Variants in PCCA observed in about 807,000 individuals in gnomAD.
The protein encoded by PCCA is propionyl-CoA carboxylase alpha chain, mitochondrial.
In PCCA, 74 loss-of-function variants were observed where a neutral mutation model predicts 101.3. The ratio of observed to expected loss-of-function variants is 0.73; its 90% CI spans 0.61 to 0.89. PCCA has a LOEUF of 0.89. Ranked by LOEUF, PCCA falls within the 40% of genes least tolerant of loss-of-function variation. The pLI, the probability that PCCA is intolerant of heterozygous loss-of-function variation, is 0.00. For missense variants in PCCA, 891 were observed against 907.0 expected, an observed-to-expected ratio of 0.98 and a Z score of 0.23; for synonymous variants, 294 against 313.6, an observed-to-expected ratio of 0.94 and a Z score of 0.66.
At position 100,320,158 on chromosome 13, in the gene PCCA, A is replaced by G. The variant is rs374159594; in HGVS notation, c.1429+10250A>G. 1.0e-3 allele frequency among the ~76,000 whole-genome samples: 152 copies of G among 152,220 alleles called. 5 individuals carry two copies. In the South Asian group the frequency reaches 0.028, roughly 29 times the overall value. On this transcript the variant is annotated intron_variant, in intron 16 of 23. Transcript: ENST00000376285. ...TTATTGGTGTATAAGAATGCTTGTGATTTTTGCACATTGATTTTGTATCCT... is the reference window on the plus strand; with the variant it reads ...TTATTGGTGTATAAGAATGCTTGTGGTTTTTGCACATTGATTTTGTATCCT...
intron 21 of PCCA, among the ~76,000 whole-genome samples, chr13:100,482,592 TTTTG>T (rs201356022): frequency 0.047 from 7,131 of 152,184 alleles, 563 homozygotes; most frequent in African/African-American, 0.16. Context: ...TGTTTTGGTT[TTTTG>T]TTTGTTTGTT....
intron 4 of PCCA, among the ~76,000 whole-genome samples, chr13:100,125,008 A>G (rs1183512513): frequency 6.6e-6 from 1 of 152,168 alleles, no homozygotes; most frequent in Non-Finnish European, 1.5e-5. Flanking sequence ...TAATTTCACA[A>G]AAATTGTTAA....
chr13:100,394,067 G>T lies in PCCA; in HGVS notation c.1746+25493G>T, dbSNP rs1162915989. ...TGTTGTAGAGCCTCTGTATGCGTCA[G>T]CTGTGACTGAGTGTTTTGATGTCTT... is the stretch of plus-strand genomic sequence containing the variant. On this transcript the variant is annotated intron_variant, in intron 19 of 23. Transcript: ENST00000376285. The surrounding 1 kb of genome is among the most constrained non-coding windows in gnomAD (Gnocchi z 4.3). 6.6e-6 allele frequency among the ~76,000 whole-genome samples: 1 copy of T among 152,232 alleles called. No individual in the cohort carries two copies. Among genetic ancestry groups the T allele is most frequent in the East Asian group, 1.9e-4 (1 of 5,200 alleles).
At chr13:100,386,074 A>G (rs2076484071) in intron 19 of PCCA, among the ~76,000 whole-genome samples, 1 of 152,218 alleles carries the variant, frequency 6.6e-6, no homozygotes, top group African/African-American at 2.4e-5. Flanking sequence ...TATTTCTTAG[A>G]GCAGAAGACT....
intron 19 of PCCA, among the ~76,000 whole-genome samples, chr13:100,408,957 A>T (rs1410194187): frequency 6.6e-6 from 1 of 152,184 alleles, no homozygotes; most frequent in Admixed American, 6.5e-5. Flanking sequence ...CCGAGGAGAG[A>T]AGCTTAAGCT....
chr13:100,238,595 T>G (rs2060945842), intron 8 of PCCA, among the ~76,000 whole-genome samples: 1 of 152,126 alleles, frequency 6.6e-6, no homozygotes. Context: ...AAATTTGAGG[T>G]AAAATAAACC....
intron 19 of PCCA, among the ~76,000 whole-genome samples, chr13:100,422,117 T>TCTTTCTTC (rs2078851717): frequency 1.5e-5 from 2 of 136,144 alleles, no homozygotes; most frequent in South Asian, 4.5e-4. Context: ...TTTCTTTCTT[T>TCTTTCTTC]CTTTTCTTTC....
chr13:100,371,795 A>G (rs2075589437), intron 19 of PCCA, among the ~76,000 whole-genome samples: 1 of 152,230 alleles, frequency 6.6e-6, no homozygotes, highest in Non-Finnish European at 1.5e-5. Context: ...AAAACTTATT[A>G]CAAAACCACA....
At chr13:100,496,355 A>T (rs1328534628) in intron 21 of PCCA, among the ~76,000 whole-genome samples, 1 of 152,186 alleles carries the variant, frequency 6.6e-6, no homozygotes, top group African/African-American at 2.4e-5. Context: ...CTGAATCTCG[A>T]ATCGTTCCTC....
At chr13:100,100,716 TGTC>T (rs2047194524) in intron 1 of PCCA, among the ~76,000 whole-genome samples, 1 of 152,130 alleles carries the variant, frequency 6.6e-6, no homozygotes, top group Admixed American at 6.5e-5. Flanking sequence ...AGTTCAGACT[TGTC>T]GTGGGAATGG....
Position 100,530,307 on chromosome 13 carries a change from C to G in PCCA, c.*141C>G. The G allele has an allele frequency of 1.4e-6, 1 of 725,216 alleles. No homozygotes were observed. The highest frequency in any genetic ancestry group is 1.5e-5 in the South Asian group (1 of 65,298). The allele number at this position is 725,216 out of a possible 1,614,324, so 44.9% of individuals were successfully genotyped here. A position where few individuals can be genotyped will look rare whatever the true frequency, so the allele number is the denominator to read the frequency against. On this transcript the variant is annotated 3_prime_UTR_variant, in exon 24 of 24. Transcript: ENST00000376285. ...GTCATTTATTCCACAGAGTCAAGAC[C>G]AATATTCTGCCAAAAAATCACCAAT...
chr13:100,422,122 T>TTC, intron 19 of PCCA, among the ~76,000 whole-genome samples: 1 of 121,250 alleles, frequency 8.2e-6, no homozygotes, highest in East Asian at 2.2e-4. Flanking sequence ...TTCTTTCTTT[T>TTC]CTTTCTTTCT....
At chr13:100,328,518 A>G (rs1466977462) in intron 16 of PCCA, among the ~76,000 whole-genome samples, 2 of 151,016 alleles carry the variant, frequency 1.3e-5, no homozygotes, top group African/African-American at 2.4e-5. Flanking sequence ...GATGAAGTAC[A>G]GTTTGTCAAT....
intron 12 of PCCA, chr13:100,293,270 T>G (rs1415215812): frequency 2.1e-6 from 1 of 471,466 alleles, no homozygotes; most frequent in Admixed American, 2.3e-5. Flanking sequence ...GTACAATTGT[T>G]GAAATTCTGT....
intron 1 of PCCA, among the ~76,000 whole-genome samples, chr13:100,098,270 A>G (rs914804922): frequency 6.6e-6 from 1 of 152,212 alleles, no homozygotes. Context: ...TCAAATATTC[A>G]AAGTATTATT....
chr13:100,277,077 A>G (rs1304167128), intron 12 of PCCA, among the ~76,000 whole-genome samples: 1 of 152,156 alleles, frequency 6.6e-6, no homozygotes, highest in African/African-American at 2.4e-5. Flanking sequence ...ATTTGTGACT[A>G]CGGCAATCTA....
At chr13:100,153,571 A>G (rs150643944) in intron 4 of PCCA, among the ~76,000 whole-genome samples, 49 of 152,356 alleles carry the variant, frequency 3.2e-4, no homozygotes, top group African/African-American at 1.1e-3. Context: ...TACAACAACA[A>G]AATTGACAGT....
intron 21 of PCCA, among the ~76,000 whole-genome samples, chr13:100,449,589 C>T (rs540574327): frequency 2.6e-5 from 4 of 152,136 alleles, no homozygotes; most frequent in Non-Finnish European, 5.9e-5. Context: ...CGGGTTCAAG[C>T]GATTCTCGTG....
chr13:100,286,060 ATG>A (rs1177006585), intron 12 of PCCA, among the ~76,000 whole-genome samples: 5 of 152,046 alleles, frequency 3.3e-5, no homozygotes, highest in Admixed American at 6.5e-5. Flanking sequence ...TCCTTTCCAG[ATG>A]TGCATACCCC....
Sources: gnomAD v4.1 joint callset for allele counts (sites outside exome capture counted in the v4.1 genomes callset) on GRCh38, gnomAD v4.1.1 for gene constraint, Gnocchi (gnomAD v3.1) non-coding constraint, MANE v1.5 for transcripts, NCBI Gene and HGNC (gene_info 2026-07-23, HGNC 2026-07-21) for gene names.